The following CACNB2 variants were observed in gnomAD, a reference collection of about 807,000 sequenced individuals.
CACNB2 encodes calcium voltage-gated channel auxiliary subunit beta 2, also known as voltage-dependent L-type calcium channel subunit beta-2.
In CACNB2, 42 loss-of-function variants were observed where a neutral mutation model predicts 73.3. The observed-to-expected ratio is 0.57, with a 90% CI of 0.45 to 0.74. The LOEUF is 0.74. CACNB2 is among the 30% of genes least tolerant of loss of function. The probability of loss-of-function intolerance (pLI) is 0.00; values close to 1 mark genes in which losing one functional copy is unlikely to be tolerated. For synonymous variants in CACNB2, 348 were observed against 310.3 expected (o/e 1.12, Z -1.28); for missense variants, 940 against 853.0 (o/e 1.10, Z -1.27).
chr10:18,278,244 C>A (rs1013101275), intron 2 of CACNB2, among the ~76,000 whole-genome samples: 1 of 152,084 alleles, frequency 6.6e-6, no homozygotes, highest in East Asian at 1.9e-4. Flanking sequence ...TTTTGGGAGG[C>A]CAAGGCAGAA....
At chr10:18,299,076 A>AAAT (rs573031312) in intron 2 of CACNB2, among the ~76,000 whole-genome samples, 1 of 94,346 alleles carries the variant, frequency 1.1e-5, no homozygotes, top group Non-Finnish European at 2.3e-5. Flanking sequence ...CTAAAAAAAA[A>AAAT]AAAATAAAAA....
At chr10:18,433,943 A>G (rs962427606) in intron 3 of CACNB2, among the ~76,000 whole-genome samples, 1 of 152,024 alleles carries the variant, frequency 6.6e-6, no homozygotes, top group Non-Finnish European at 1.5e-5. Context: ...TTGGAACACA[A>G]TTGTGTTAGA....
chr10:18,330,245 C>T (rs1247195581), intron 2 of CACNB2, among the ~76,000 whole-genome samples: 2 of 151,916 alleles, frequency 1.3e-5, no homozygotes, highest in East Asian at 1.9e-4. Flanking sequence ...ACTTCATATA[C>T]GTAATTACAC....
At chr10:18,511,218 C>T (rs1210815792) in intron 6 of CACNB2, among the ~76,000 whole-genome samples, 3 of 152,062 alleles carry the variant, frequency 2.0e-5, no homozygotes, top group Non-Finnish European at 2.9e-5. Context: ...GAATTAATTC[C>T]ATTATTACCT....
At chr10:18,389,191 T>G (rs921061651) in intron 2 of CACNB2, among the ~76,000 whole-genome samples, 1 of 152,200 alleles carries the variant, frequency 6.6e-6, no homozygotes, top group Non-Finnish European at 1.5e-5. Flanking sequence ...CAGGCTGGAT[T>G]GCAGTGGCAT....
intron 3 of CACNB2, among the ~76,000 whole-genome samples, chr10:18,493,501 A>G (rs181690991): frequency 1.6e-3 from 247 of 152,164 alleles, no homozygotes; most frequent in Middle Eastern, 0.01. Flanking sequence ...TTGAACATCT[A>G]TAGATTTTGA....
intron 2 of CACNB2, among the ~76,000 whole-genome samples, chr10:18,301,727 C>T (rs7898164): frequency 0.021 from 3,180 of 151,682 alleles, 114 homozygotes; most frequent in African/African-American, 0.071. Flanking sequence ...CAGCTCACTG[C>T]AACCTCCGCC....
chr10:18,433,456 G>T (rs557073490), intron 3 of CACNB2, among the ~76,000 whole-genome samples: 2 of 152,122 alleles, frequency 1.3e-5, no homozygotes, highest in Non-Finnish European at 2.9e-5. Flanking sequence ...TATTGCTGTT[G>T]TTATCCAAGA....
At chr10:18,444,057 A>C in intron 3 of CACNB2, among the ~76,000 whole-genome samples, 1 of 152,144 alleles carries the variant, frequency 6.6e-6, no homozygotes. Flanking sequence ...ATCCCTTTTC[A>C]TCACTCCCAC....
intron 2 of CACNB2, among the ~76,000 whole-genome samples, chr10:18,286,898 T>G (rs2038827807): frequency 6.6e-6 from 1 of 152,240 alleles, no homozygotes. Flanking sequence ...TTCAAGTTCA[T>G]GACCCTACCT....
chr10:18,458,462 C>T (rs2047395163), intron 3 of CACNB2, among the ~76,000 whole-genome samples: 1 of 152,274 alleles, frequency 6.6e-6, no homozygotes, highest in Middle Eastern at 3.4e-3. Flanking sequence ...TCAGTACATA[C>T]TAGTACTCAA....
intron 2 of CACNB2, among the ~76,000 whole-genome samples, chr10:18,218,979 C>G (rs2035620375): frequency 6.6e-6 from 1 of 152,190 alleles, no homozygotes. Context: ...GCCTGGGCAA[C>G]ATGGAGAAAC....
chr10:18,458,763 CTT>C (rs371122031), intron 3 of CACNB2, among the ~76,000 whole-genome samples: 13 of 122,600 alleles, frequency 1.1e-4, no homozygotes, highest in Non-Finnish European at 1.0e-4. Context: ...GTAAGGTGAA[CTT>C]TTTTTTTTTT....
intron 2 of CACNB2, among the ~76,000 whole-genome samples, chr10:18,281,979 CAAAAAA>C (rs10542258): frequency 1.4e-5 from 1 of 69,990 alleles, no homozygotes; most frequent in African/African-American, 6.1e-5. Flanking sequence ...GACTCCATCT[CAAAAAA>C]AAAAAAAAAA....
At chr10:18,220,241 A>AGGGGGGGG (rs1476433166) in intron 2 of CACNB2, among the ~76,000 whole-genome samples, 12 of 81,800 alleles carry the variant, frequency 1.5e-4, no homozygotes, top group East Asian at 1.1e-3. Context: ...ATAGAGAGAG[A>AGGGGGGGG]GAGAGAGAGA....
chr10:18,446,693 T>C (rs2046751536), intron 3 of CACNB2, among the ~76,000 whole-genome samples: 1 of 152,190 alleles, frequency 6.6e-6, no homozygotes, highest in Admixed American at 6.6e-5. Flanking sequence ...GCCTATAATA[T>C]GCTAACATGC....
rs879828645 is a variant in CACNB2, at chr10:18,495,582, T to TGTGTGTGTGTGTGTG, written c.334-2763_334-2762insGTGTGGTGTGTGTGT. On this transcript the variant is annotated intron_variant, in intron 3 of 13. Transcript: ENST00000324631. ...GTGTGTGTGTGTGTGTGTGTGTGTG[T>TGTGTGTGTGTGTGTG]GTGTGTGTGTATAAGAGATGAGGTC... Among the ~76,000 whole-genome samples the TGTGTGTGTGTGTGTG allele has an allele frequency of 4.7e-3, 630 of 135,470 alleles. 11 individuals are homozygous for TGTGTGTGTGTGTGTG. Among genetic ancestry groups the TGTGTGTGTGTGTGTG allele is most frequent in the African/African-American group, 0.017 (598 of 36,028 alleles). 88.9% of individuals were successfully genotyped at this position (135,470 alleles called of 152,430 possible).
At chr10:18,234,988 A>T (rs976373287) in intron 2 of CACNB2, among the ~76,000 whole-genome samples, 3 of 151,876 alleles carry the variant, frequency 2.0e-5, no homozygotes, top group Non-Finnish European at 4.4e-5. Context: ...CTAAAAATAT[A>T]AAAAATTAGC....
chr10:18,534,048 T>G lies in CACNB2; in HGVS notation c.1055-28T>G, dbSNP rs1271819012. ...TTACTTTATCTTAAAAATACTGCACTTTAACTGAATTGTTTCGCCCTTTAC... is the reference window on the plus strand; with the variant it reads ...TTACTTTATCTTAAAAATACTGCACGTTAACTGAATTGTTTCGCCCTTTAC... On this transcript the variant is annotated intron_variant, in intron 10 of 13. Transcript: ENST00000324631. The G allele has an allele frequency of 1.9e-6, 3 of 1,613,426 alleles. No individual in the cohort carries two copies. The East Asian group carries it at 6.7e-5, about 36-fold the overall frequency.
Sources: allele counts gnomAD v4.1 joint callset (sites outside exome capture counted in the v4.1 genomes callset), GRCh38; gene constraint gnomAD v4.1.1; transcripts MANE v1.5; gene names NCBI Gene and HGNC (gene_info 2026-07-23, HGNC 2026-07-21).